ROBO1: variants seen among roughly 807,000 people sequenced by gnomAD.
The protein encoded by ROBO1 is roundabout homolog 1.
Under a neutral mutation model 195.9 loss-of-function variants are expected in ROBO1, and 149 were observed. That is an observed-to-expected ratio of 0.76 (90% CI 0.67 to 0.87). The LOEUF (loss-of-function observed/expected upper bound fraction) is 0.87. Ranked by LOEUF, ROBO1 falls within the 40% of genes least tolerant of loss-of-function variation. ROBO1 has a pLI of 0.00. For missense variants in ROBO1, 1,933 were observed against 2,068.3 expected (o/e 0.93, Z 1.27); for synonymous variants, 816 against 733.2 (o/e 1.11, Z -1.82).
intron 5 of ROBO1, among the ~76,000 whole-genome samples, chr3:78,736,029 T>C (rs1192957349): frequency 6.6e-6 from 1 of 152,166 alleles, no homozygotes; most frequent in East Asian, 1.9e-4. Flanking sequence ...AGCAATGTAT[T>C]TACTCACATA....
At chr3:79,098,778 T>A (rs560936480) in intron 3 of ROBO1, among the ~76,000 whole-genome samples, 3 of 151,998 alleles carry the variant, frequency 2.0e-5, no homozygotes, top group East Asian at 1.9e-4. Flanking sequence ...TGGCTTCTTT[T>A]AGAATTAACT....
At chr3:79,521,096 A>G (rs1185229318) in intron 2 of ROBO1, among the ~76,000 whole-genome samples, 2 of 151,948 alleles carry the variant, frequency 1.3e-5, no homozygotes, top group Non-Finnish European at 2.9e-5. Context: ...GGTGGCTGGA[A>G]CCCCTTGTGA....
At chr3:79,478,311 T>C (rs1183551431) in intron 2 of ROBO1, among the ~76,000 whole-genome samples, 1 of 152,110 alleles carries the variant, frequency 6.6e-6, no homozygotes, top group Admixed American at 6.6e-5. Context: ...CCTCTGATTC[T>C]AGATGGAAAG....
chr3:79,662,939 A>G (rs950329636), intron 1 of ROBO1, among the ~76,000 whole-genome samples: 2 of 152,116 alleles, frequency 1.3e-5, no homozygotes, highest in Admixed American at 6.6e-5. Context: ...GAAAAAATAT[A>G]TAAAATAATC....
intron 2 of ROBO1, among the ~76,000 whole-genome samples, chr3:79,427,014 A>G (rs2038474827): frequency 6.6e-6 from 1 of 152,134 alleles, no homozygotes; most frequent in Non-Finnish European, 1.5e-5. Flanking sequence ...TAAAACAAAA[A>G]TGGCCATATT....
chr3:79,342,686 T>C (rs921528413), intron 2 of ROBO1, among the ~76,000 whole-genome samples: 1 of 152,066 alleles, frequency 6.6e-6, no homozygotes, highest in African/African-American at 2.4e-5. Flanking sequence ...AGAGTGATCA[T>C]ATGGCAGTCA....
intron 10 of ROBO1, among the ~76,000 whole-genome samples, chr3:78,672,942 T>C (rs1026949211): frequency 1.3e-5 from 2 of 152,160 alleles, no homozygotes; most frequent in East Asian, 1.9e-4. Flanking sequence ...GTTCCATATC[T>C]ACAACAGAAA....
At chr3:78,938,087 A>T (rs1425253217) in intron 4 of ROBO1, 2 of 155,484 alleles carry the variant, frequency 1.3e-5, no homozygotes, top group Non-Finnish European at 2.8e-5. Context: ...GGGAGTTTTG[A>T]TCTGCTCCAT....
At chr3:79,708,351 A>C (rs183236587) in intron 1 of ROBO1, among the ~76,000 whole-genome samples, 1 of 152,324 alleles carries the variant, frequency 6.6e-6, no homozygotes, top group East Asian at 1.9e-4. Flanking sequence ...CCAATTCAGC[A>C]TAAAATGTTT....
chr3:78,638,904 G>T (rs948517724), intron 22 of ROBO1, among the ~76,000 whole-genome samples: 1 of 151,932 alleles, frequency 6.6e-6, no homozygotes. Context: ...AAAGGTAAAA[G>T]AAATTGTAAT....
At chr3:79,580,269 T>C (rs1007073467) in intron 2 of ROBO1, among the ~76,000 whole-genome samples, 4 of 151,936 alleles carry the variant, frequency 2.6e-5, no homozygotes, top group Non-Finnish European at 4.4e-5. Context: ...GCCAGGATTT[T>C]GACTCCAGCC....
At chr3:79,125,612 G>T in intron 2 of ROBO1, 73 bp from the exon 3 acceptor site, 3 of 1,097,300 alleles carry the variant, frequency 2.7e-6, no homozygotes, top group Non-Finnish European at 2.8e-6. Flanking sequence ...ATCACAGCAT[G>T]TCCAGACACA....
intron 2 of ROBO1, among the ~76,000 whole-genome samples, chr3:79,186,136 C>T (rs780137764): frequency 4.1e-4 from 63 of 152,192 alleles, no homozygotes; most frequent in Non-Finnish European, 8.8e-4. Context: ...AGCCCAAGCT[C>T]TGTATTCTAT....
At chr3:78,606,692 C>T (rs1474972371) in intron 29 of ROBO1, 41 bp downstream of exon 29, 2 of 1,591,336 alleles carry the variant, frequency 1.3e-6, no homozygotes, top group East Asian at 4.5e-5. Context: ...CTTGCAAACA[C>T]ACTCAATCTG....
chr3:79,507,201 TC>T (rs1458228970), intron 2 of ROBO1, among the ~76,000 whole-genome samples: 1 of 152,108 alleles, frequency 6.6e-6, no homozygotes, highest in Non-Finnish European at 1.5e-5. Context: ...AAGAACTACA[TC>T]CCTTGTGACC....
At chr3:79,232,355 A>G (rs967474902) in intron 2 of ROBO1, among the ~76,000 whole-genome samples, 2 of 151,166 alleles carry the variant, frequency 1.3e-5, no homozygotes, top group African/African-American at 2.4e-5. Context: ...AAAAAAATAA[A>G]GTGGAAATAT....
rs1007241533 is a variant in ROBO1, at chr3:78,651,746, G to A, written c.2798C>T (p.Ala933Val). 6 of 1,606,812 alleles carry A rather than the reference G, an allele frequency of 3.7e-6. No individual in the cohort carries two copies. The highest frequency in any genetic ancestry group is 1.3e-5 in the African/African-American group (1 of 74,648). Residue 933 changes from alanine (A) to valine (V), a missense_variant, in exon 19 of 31, where the codon GCG becomes GTG. Coordinates refer to ENST00000464233, the MANE Select transcript of ROBO1 (RefSeq NM_002941.4). Reference sequence around the variant, plus strand: ...AAAGCTAATACCTTTTCTGATACCCGCGTAGGTACTAGTAAGTCCGTTTCT... The same window carrying A: ...AAAGCTAATACCTTTTCTGATACCCACGTAGGTACTAGTAAGTCCGTTTCT... ...KKRNGLTSTYAGIRKVPSFTF... is the reference protein window; with the variant it reads ...KKRNGLTSTYVGIRKVPSFTF...
Position 78,791,149 on chromosome 3 carries a change from A to G in ROBO1, c.500-44249T>C, listed in dbSNP as rs190030815. 1.6e-3 allele frequency among the ~76,000 whole-genome samples: 239 copies of G among 152,298 alleles called. 1 individual carries two copies. Among genetic ancestry groups the G allele is most frequent in the Middle Eastern group, 0.014 (4 of 294 alleles). Reference sequence around the variant, plus strand: ...GAATTCCTGGCAGACAGACAACCAGAAGTGTCTACTTCTCTACTTTTTTGG... The same window carrying G: ...GAATTCCTGGCAGACAGACAACCAGGAGTGTCTACTTCTCTACTTTTTTGG... On this transcript the variant is annotated intron_variant, in intron 4 of 30. Coordinates refer to ENST00000464233, the MANE Select transcript of ROBO1 (RefSeq NM_002941.4).
intron 3 of ROBO1, among the ~76,000 whole-genome samples, chr3:78,988,503 G>C (rs1320326686): frequency 6.6e-6 from 1 of 152,104 alleles, no homozygotes; most frequent in Non-Finnish European, 1.5e-5. Flanking sequence ...TTTATCTCCA[G>C]AGACCTTTTA....
Sources: gnomAD v4.1 joint callset for allele counts (sites outside exome capture counted in the v4.1 genomes callset) on GRCh38, gnomAD v4.1.1 for gene constraint, MANE v1.5 for transcripts, NCBI Gene and HGNC (gene_info 2026-07-23, HGNC 2026-07-21) for gene names.